The following HEATR3 variants were observed in gnomAD, a reference collection of about 807,000 sequenced individuals.
HEATR3 encodes HEAT repeat-containing protein 3.
HEATR3 carries 56 observed loss-of-function variants against 72.8 expected under a neutral mutation model. The ratio of observed to expected loss-of-function variants is 0.77; its 90% CI spans 0.62 to 0.96. HEATR3 has a LOEUF of 0.96. Among genes scored for constraint, HEATR3 ranks in the 40% least tolerant of loss-of-function variants. The pLI, the probability that HEATR3 is intolerant of heterozygous loss-of-function variation, is 0.00. For synonymous variants in HEATR3, 331 were observed against 318.1 expected, an observed-to-expected ratio of 1.04 and a Z score of -0.43; for missense variants, 747 against 831.4, an observed-to-expected ratio of 0.90 and a Z score of 1.25.
chr16:50,067,332 GT>G (rs1363574584), intron 2 of HEATR3, among the ~76,000 whole-genome samples: 1 of 151,650 alleles, frequency 6.6e-6, no homozygotes, highest in Non-Finnish European at 1.5e-5. Flanking sequence ...TCCAGCCTGG[GT>G]GATAGAACAA....
At position 50,077,287 on chromosome 16, in the gene HEATR3, G is replaced by A. The variant is rs144253072; in HGVS notation, c.764-1454G>A. Among the ~76,000 whole-genome samples the A allele has an allele frequency of 2.0e-3, 299 of 152,046 alleles. 7 individuals carry two copies. The Middle Eastern group carries it at 0.02, about 10-fold the overall frequency. On this transcript the variant is annotated intron_variant, in intron 6 of 14. Coordinates refer to ENST00000299192, the MANE Select transcript of HEATR3 (RefSeq NM_182922.4). ...TCGACCTCCCTGTGCTGGGATTACAGGCGTGAGCCACAGTCCCCAGCCACA... is the reference window on the plus strand; with the variant it reads ...TCGACCTCCCTGTGCTGGGATTACAAGCGTGAGCCACAGTCCCCAGCCACA...
At position 50,066,013 on chromosome 16, in the gene HEATR3, T is replaced by G. The variant is rs997113686; in HGVS notation, c.-119T>G. ...CTGCGCACGGCTTGCCCATGTGTGC[T>G]GCAGCCGTCAGCCGGCCCAGCTGAG... is the stretch of plus-strand genomic sequence containing the variant. On this transcript the variant is annotated 5_prime_UTR_variant, in exon 1 of 15. Coordinates refer to ENST00000299192, the MANE Select transcript of HEATR3 (RefSeq NM_182922.4). 3.4e-6 allele frequency: 3 copies of G among 881,964 alleles called. No individual in the cohort carries two copies. Among genetic ancestry groups the G allele is most frequent in the South Asian group, 1.5e-5 (1 of 66,134 alleles). The allele number at this position is 881,964 out of a possible 1,614,324, so 54.6% of individuals were successfully genotyped here.
intron 2 of HEATR3, 88 bp downstream of exon 2, chr16:50,066,627 T>C: frequency 6.0e-6 from 7 of 1,169,296 alleles, no homozygotes; most frequent in South Asian, 3.5e-5. Flanking sequence ...CCCAGCGCCT[T>C]CTGTGTGCCA....
chr16:50,100,765 T>A (rs2037347933), intron 13 of HEATR3: 1 of 223,282 alleles, frequency 4.5e-6, no homozygotes, highest in Admixed American at 6.0e-5. Context: ...CCAGGCAACA[T>A]GCATTCTGAA....
chr16:50,072,513 A>G, intron 4 of HEATR3, 92 bp from the exon 5 acceptor site: 1 of 788,598 alleles, frequency 1.3e-6, no homozygotes, highest in Non-Finnish European at 2.1e-6. Flanking sequence ...CTTGGTTTAT[A>G]AAGCCTCGTT....
At chr16:50,101,864 G>A (rs923462789) in intron 13 of HEATR3, among the ~76,000 whole-genome samples, 10 of 152,236 alleles carry the variant, frequency 6.6e-5, no homozygotes, top group African/African-American at 1.7e-4. Context: ...ACAGGTGTGA[G>A]CCACTTGCAA....
Position 50,094,272 on chromosome 16 carries a change from C to CAACA in HEATR3, c.1511-432_1511-429dup, listed in dbSNP as rs1013204358. 3.3e-5 allele frequency among the ~76,000 whole-genome samples: 5 copies of CAACA among 152,336 alleles called. No homozygotes were observed. The East Asian group carries it at 9.6e-4, about 29-fold the overall frequency. On this transcript the variant is annotated intron_variant, in intron 11 of 14. Transcript: ENST00000299192. ...CCATCATGTCCTGGCTCTGCACAAGCAACAGTGTGTGGCTAAGCAGTGGGC... is the reference window on the plus strand; with the variant it reads ...CCATCATGTCCTGGCTCTGCACAAGCAACAAACAGTGTGTGGCTAAGCAGTGGGC...
At chr16:50,080,342 A>AT (rs554971616) in intron 7 of HEATR3, 16,240 of 141,064 alleles carry the variant, frequency 0.12, 1,004 homozygotes, top group East Asian at 0.26. Flanking sequence ...TTGCTCACAG[A>AT]TTTTTTTTTT....
At chr16:50,080,548 C>G (rs552832282) in intron 7 of HEATR3, among the ~76,000 whole-genome samples, 180 of 152,222 alleles carry the variant, frequency 1.2e-3, no homozygotes, top group African/African-American at 4.1e-3. Context: ...CCATGTTGGT[C>G]AGGCTGGTCT....
At chr16:50,086,819 C>T (rs1368166651) in intron 11 of HEATR3, among the ~76,000 whole-genome samples, 4 of 152,058 alleles carry the variant, frequency 2.6e-5, no homozygotes, top group South Asian at 2.1e-4. Context: ...ATCCCAGCTA[C>T]TCGGGAGGCT....
At chr16:50,066,563 G>A (rs2036501507) in intron 2 of HEATR3, 24 bp downstream of exon 2, 1 of 1,277,770 alleles carries the variant, frequency 7.8e-7, no homozygotes. Context: ...GGTGCGGGGC[G>A]GTGCCCACCG....
In HEATR3 at chr16:50,086,268, T is replaced by C; in HGVS notation, c.1427T>C (p.Leu476Pro). The C allele has an allele frequency of 6.3e-7, 1 of 1,584,388 alleles. No individual in the cohort carries two copies. Among genetic ancestry groups the C allele is most frequent in the Non-Finnish European group, 8.6e-7 (1 of 1,164,034 alleles). ...TTCTGTCTCCAGAGTCTTGTGTCCC[T>C]CCTGGATGTGGAGCACCTGGGAGGA... ...ALFCLQSLVS[L>P]LDVEHLGGAA... Residue 476 changes from leucine (L) to proline (P), a missense_variant, in exon 11 of 15, where the codon CTC becomes CCC. Transcript: ENST00000299192.
chr16:50,086,126 A>G (rs1016343840), intron 10 of HEATR3, 89 bp from the exon 11 acceptor site: 2 of 1,212,654 alleles, frequency 1.6e-6, no homozygotes, highest in Non-Finnish European at 2.3e-6. Flanking sequence ...ATTTCCAGTC[A>G]GAACGTGAAG....
At chr16:50,080,755 A>G (rs2036849660) in intron 7 of HEATR3, among the ~76,000 whole-genome samples, 1 of 152,176 alleles carries the variant, frequency 6.6e-6, no homozygotes, top group Non-Finnish European at 1.5e-5. Context: ...ATAGGCGTGC[A>G]CCATGGTACC....
chr16:50,070,547 A>T (rs1439454544), intron 4 of HEATR3, among the ~76,000 whole-genome samples: 2 of 152,092 alleles, frequency 1.3e-5, no homozygotes, highest in East Asian at 1.9e-4. Flanking sequence ...CAAAAATATT[A>T]AAAAATTAGC....
At chr16:50,080,568 G>A (rs940971791) in intron 7 of HEATR3, among the ~76,000 whole-genome samples, 3 of 151,892 alleles carry the variant, frequency 2.0e-5, no homozygotes, top group South Asian at 4.2e-4. Context: ...TCAAACTCCC[G>A]ACCTCAGGTG....
chr16:50,066,581 C>T, intron 2 of HEATR3, 42 bp downstream of exon 2: 1 of 1,264,876 alleles, frequency 7.9e-7, no homozygotes, highest in East Asian at 3.2e-5. Flanking sequence ...CCGCTGGCCT[C>T]CCCCGCGTCT....
Position 50,091,640 on chromosome 16 carries a change from C to T in HEATR3, c.1511-3065C>T, listed in dbSNP as rs187713078. Among the ~76,000 whole-genome samples the T allele has an allele frequency of 2.6e-3, 394 of 151,770 alleles. 3 individuals are homozygous for T. The highest frequency in any genetic ancestry group is 2.4e-3 in the Non-Finnish European group (164 of 67,916). On this transcript the variant is annotated intron_variant, in intron 11 of 14. Coordinates refer to ENST00000299192, the MANE Select transcript of HEATR3 (RefSeq NM_182922.4). The stretch of plus-strand genomic sequence containing the variant: ...CTGTAATCCCAGCATTCTGGGGGGC[C>T]GAGGCGGGCAGATCATGAGGTCAGG...
At chr16:50,099,482 G>T (rs2037319388) in intron 12 of HEATR3, among the ~76,000 whole-genome samples, 2 of 152,010 alleles carry the variant, frequency 1.3e-5, no homozygotes, top group South Asian at 4.2e-4. Context: ...GGGCTCACAC[G>T]AGTGATAAGT....
Sources: allele counts gnomAD v4.1 joint callset (sites outside exome capture counted in the v4.1 genomes callset), GRCh38; gene constraint gnomAD v4.1.1; transcripts MANE v1.5; gene names NCBI Gene and HGNC (gene_info 2026-07-23, HGNC 2026-07-21).